FOXN3: variants seen among roughly 807,000 people sequenced by gnomAD.
FOXN3 encodes forkhead box protein N3.
FOXN3 carries 7 observed loss-of-function variants against 38.4 expected under a neutral mutation model. The observed-to-expected ratio is 0.18, with a 90% CI of 0.10 to 0.34. FOXN3 has a LOEUF of 0.34. Among genes scored for constraint, FOXN3 ranks in the 10% least tolerant of loss-of-function variants. The pLI is 1.00. For synonymous variants in FOXN3, 230 were observed against 242.2 expected, an observed-to-expected ratio of 0.95 and a Z score of 0.47; for missense variants, 456 against 613.4, an observed-to-expected ratio of 0.74 and a Z score of 2.71.
intron 2 of FOXN3, among the ~76,000 whole-genome samples, chr14:89,370,818 C>A (rs544406784): frequency 2.0e-5 from 3 of 152,334 alleles, no homozygotes; most frequent in South Asian, 4.1e-4. Context: ...CCATCTACCC[C>A]AGTGAGGACG....
At chr14:89,311,840 C>T (rs1024530711) in intron 3 of FOXN3, among the ~76,000 whole-genome samples, 6 of 151,628 alleles carry the variant, frequency 4.0e-5, no homozygotes, top group African/African-American at 9.7e-5. Flanking sequence ...AACAAACAAA[C>T]AAACAAACAA....
intron 5 of FOXN3, among the ~76,000 whole-genome samples, chr14:89,165,642 C>T (rs1887221989): frequency 6.6e-6 from 1 of 152,160 alleles, no homozygotes; most frequent in Non-Finnish European, 1.5e-5. Flanking sequence ...ATAAAGATGG[C>T]TGGGATAAGA....
Position 89,160,988 on chromosome 14 carries a change from G to A in FOXN3, c.*1426C>T, listed in dbSNP as rs530496409. 4.6e-5 allele frequency: 7 copies of A among 152,172 alleles called. No homozygotes were observed. The highest frequency in any genetic ancestry group is 1.7e-4 in the African/African-American group (7 of 41,548). 9.4% of individuals were successfully genotyped at this position (152,172 alleles called of 1,614,324 possible). On this transcript the variant is annotated 3_prime_UTR_variant, in exon 6 of 6. Coordinates refer to ENST00000557258, the MANE Select transcript of FOXN3 (RefSeq NM_005197.4). ...AAACCAAAAGAAACTCTAAGCCTAAGGGCTTAAAAATTACAGGCATAGCCT... is the reference window on the plus strand; with the variant it reads ...AAACCAAAAGAAACTCTAAGCCTAAAGGCTTAAAAATTACAGGCATAGCCT...
At chr14:89,192,643 TTATA>T (rs1365209254) in intron 4 of FOXN3, among the ~76,000 whole-genome samples, 3 of 140,944 alleles carry the variant, frequency 2.1e-5, no homozygotes, top group Non-Finnish European at 3.1e-5. Flanking sequence ...TATATAAATC[TTATA>T]TAGTTTATAT....
chr14:89,449,261 C>G (rs1293525211), intron 1 of FOXN3, among the ~76,000 whole-genome samples: 1 of 152,214 alleles, frequency 6.6e-6, no homozygotes, highest in Non-Finnish European at 1.5e-5. Flanking sequence ...TGCCAGCAGG[C>G]TATCTCCTAA....
intron 1 of FOXN3, among the ~76,000 whole-genome samples, chr14:89,518,743 G>T (rs913078876): frequency 6.6e-6 from 1 of 152,212 alleles, no homozygotes; most frequent in African/African-American, 2.4e-5. Context: ...AAGTTCTGCT[G>T]TGGTGGCTCA....
intron 2 of FOXN3, among the ~76,000 whole-genome samples, chr14:89,354,145 G>C (rs1371895164): frequency 6.6e-6 from 1 of 152,130 alleles, no homozygotes; most frequent in Non-Finnish European, 1.5e-5. Flanking sequence ...TGTGTAGTAA[G>C]TTTGAGAGTT....
At position 89,510,480 on chromosome 14, in the gene FOXN3, A is replaced by C. The variant is rs1257229226; in HGVS notation, c.-14-97990T>G. Among the ~76,000 whole-genome samples, 3 of 152,260 alleles carry C rather than the reference A, an allele frequency of 2.0e-5. No individual in the cohort carries two copies. The East Asian group carries it at 5.8e-4, about 29-fold the overall frequency. ...TGTGTCCATTGCAGCTCCAGGACCCAAGCTGCCCTCTAACCTGACTGTGCA... is the reference window on the plus strand; with the variant it reads ...TGTGTCCATTGCAGCTCCAGGACCCCAGCTGCCCTCTAACCTGACTGTGCA... On this transcript the variant is annotated intron_variant, in intron 1 of 6. Coordinates refer to the FOXN3 transcript ENST00000345097.
chr14:89,555,612 G>A (rs1020782843), intron 1 of FOXN3, among the ~76,000 whole-genome samples: 1 of 151,722 alleles, frequency 6.6e-6, no homozygotes, highest in Non-Finnish European at 1.5e-5. Context: ...GCAATCTCTA[G>A]GAAATAATAT....
chr14:89,410,735 T>C (rs1240065187), intron 2 of FOXN3, among the ~76,000 whole-genome samples: 1 of 151,910 alleles, frequency 6.6e-6, no homozygotes, highest in Non-Finnish European at 1.5e-5. Context: ...TAGCAGGGTG[T>C]AGTGGCACAC....
At chr14:89,248,128 T>C (rs1247837577) in intron 4 of FOXN3, among the ~76,000 whole-genome samples, 15 of 152,346 alleles carry the variant, frequency 9.8e-5, no homozygotes. Flanking sequence ...TGTCTGGCGC[T>C]TAGCTGGACC....
intron 4 of FOXN3, among the ~76,000 whole-genome samples, chr14:89,243,900 G>A (rs754707411): frequency 2.6e-5 from 4 of 152,156 alleles, no homozygotes; most frequent in South Asian, 2.1e-4. Flanking sequence ...CCCTCCCTCC[G>A]GGATGCATCA....
intron 2 of FOXN3, among the ~76,000 whole-genome samples, chr14:89,389,905 T>A (rs748363998): frequency 6.6e-6 from 1 of 151,854 alleles, no homozygotes; most frequent in Admixed American, 6.6e-5. Flanking sequence ...TAAATCCTTG[T>A]TTTTCACTTT....
intron 3 of FOXN3, among the ~76,000 whole-genome samples, chr14:89,301,895 C>T (rs1009397572): frequency 3.3e-5 from 5 of 152,138 alleles, no homozygotes; most frequent in African/African-American, 4.8e-5. Flanking sequence ...AGGCCCGGCC[C>T]GACCTCAAAG....
At chr14:89,389,279 C>CTA (rs1344034762) in intron 2 of FOXN3, among the ~76,000 whole-genome samples, 3 of 151,740 alleles carry the variant, frequency 2.0e-5, no homozygotes, top group African/African-American at 7.3e-5. Context: ...GTATAAAGAA[C>CTA]TATTCCCTTT....
At chr14:89,453,892 G>A (rs1892668678) in intron 1 of FOXN3, among the ~76,000 whole-genome samples, 3 of 152,296 alleles carry the variant, frequency 2.0e-5, no homozygotes, top group South Asian at 4.1e-4. Flanking sequence ...TTCAGATGTT[G>A]AAGCCCTAAT....
At chr14:89,469,780 TCA>T (rs1444455541) in intron 1 of FOXN3, among the ~76,000 whole-genome samples, 1 of 152,228 alleles carries the variant, frequency 6.6e-6, no homozygotes, top group Non-Finnish European at 1.5e-5. Flanking sequence ...CCTCTAGGTC[TCA>T]CTGTCTTCAT....
At chr14:89,197,887 G>A (rs1340572026) in intron 4 of FOXN3, among the ~76,000 whole-genome samples, 1 of 152,236 alleles carries the variant, frequency 6.6e-6, no homozygotes, top group Non-Finnish European at 1.5e-5. Context: ...CATCAAGGAA[G>A]ACAAGTGCTG....
At chr14:89,267,451 G>C (rs1886018773) in intron 4 of FOXN3, among the ~76,000 whole-genome samples, 1 of 152,186 alleles carries the variant, frequency 6.6e-6, no homozygotes, top group South Asian at 2.1e-4. Flanking sequence ...GGCTGGGGCG[G>C]TGCTCTGGCT....
Sources: gnomAD v4.1 joint callset for allele counts (sites outside exome capture counted in the v4.1 genomes callset) on GRCh38, gnomAD v4.1.1 for gene constraint, MANE v1.5 for transcripts, NCBI Gene and HGNC (gene_info 2026-07-23, HGNC 2026-07-21) for gene names.